PRR33: variants seen among roughly 807,000 people sequenced by gnomAD.
PRR33 encodes proline-rich protein 33.
PRR33 carries 1 observed loss-of-function variant against 0.5 expected under a neutral mutation model. The observed-to-expected ratio is 2.18, with a 90% CI of 0.77 to 10.34. PRR33 has a LOEUF of 10.34. Among genes scored for constraint, PRR33 ranks in the 30% most tolerant of loss-of-function variants. The pLI, the probability that PRR33 is intolerant of heterozygous loss-of-function variation, is 0.13. For synonymous variants in PRR33, 226 were observed against 110.0 expected (o/e 2.06, Z -6.60); for missense variants, 552 against 251.8 (o/e 2.19, Z -8.07).
At chr11:1,890,393 G>A (rs1444814097) in exon 1 of PRR33, 2 of 717,026 alleles carry the variant, frequency 2.8e-6, no homozygotes, top group Admixed American at 4.0e-5. Context: ...GGGACAGGGA[G>A]GTGCGGAAGG....
chr11:1,895,088 A>C (rs573623163), upstream of PRR33, among the ~76,000 whole-genome samples: 224 of 152,282 alleles, frequency 1.5e-3, 1 homozygote, highest in Admixed American at 6.7e-3. Context: ...CCGTTGCTGT[A>C]AAATTGGGTT....
At chr11:1,901,439 G>A in the PRR33 span, among the ~76,000 whole-genome samples, 1 of 152,134 alleles carries the variant, frequency 6.6e-6, no homozygotes, top group African/African-American at 2.4e-5. Flanking sequence ...CATACAGAGA[G>A]ACATATAGTC....
exon 1 of PRR33, chr11:1,890,702 A>C: frequency 1.6e-6 from 1 of 612,038 alleles, no homozygotes; most frequent in Non-Finnish European, 2.9e-6. Flanking sequence ...TGGAGGCCTG[A>C]GTATTCTGCT....
chr11:1,917,529 C>T, the PRR33 span, among the ~76,000 whole-genome samples: 1 of 152,216 alleles, frequency 6.6e-6, no homozygotes, highest in Non-Finnish European at 1.5e-5. Flanking sequence ...GGCTGGGCCT[C>T]CCTTGTGCCC....
chr11:1,889,367 G>A (rs756042076), exon 1 of PRR33: 245 of 709,742 alleles, frequency 3.5e-4, no homozygotes, highest in Non-Finnish European at 5.7e-4. Context: ...CTGACATGCG[G>A]TACAGCACGG....
At chr11:1,891,645 T>A (rs1239695631) in exon 1 of PRR33, 1 of 153,856 alleles carries the variant, frequency 6.5e-6, no homozygotes, top group Non-Finnish European at 1.4e-5. Flanking sequence ...AGTGGGGGTG[T>A]GGGCAGGGCA....
chr11:1,917,334 G>A, the PRR33 span, among the ~76,000 whole-genome samples: 6 of 152,180 alleles, frequency 3.9e-5, no homozygotes, highest in Admixed American at 3.9e-4. Flanking sequence ...GGCCACCCAG[G>A]CAGGGAGCTG....
At chr11:1,901,349 T>C in the PRR33 span, among the ~76,000 whole-genome samples, 1 of 150,400 alleles carries the variant, frequency 6.6e-6, no homozygotes, top group Non-Finnish European at 1.5e-5. Context: ...TCAATTAAGT[T>C]AGATGTCTCT....
exon 1 of PRR33, chr11:1,890,509 G>A (rs1030352710): frequency 1.4e-6 from 1 of 716,710 alleles, no homozygotes; most frequent in Non-Finnish European, 2.6e-6. Context: ...GGCAGCAGGG[G>A]CGGTGGGGGT....
At chr11:1,895,379 T>C (rs888975049), upstream of PRR33, among the ~76,000 whole-genome samples, 8 of 152,172 alleles carry the variant, frequency 5.3e-5, no homozygotes, top group African/African-American at 1.2e-4. Flanking sequence ...GTGATCCGCC[T>C]GCCTTAGCCT....
At chr11:1,906,983 G>A in the PRR33 span, among the ~76,000 whole-genome samples, 2 of 152,180 alleles carry the variant, frequency 1.3e-5, no homozygotes, top group South Asian at 2.1e-4. Context: ...CCCGCTTCCC[G>A]CACTGAGGCC....
the PRR33 span, among the ~76,000 whole-genome samples, chr11:1,904,798 T>C: frequency 4.6e-5 from 7 of 151,050 alleles, no homozygotes; most frequent in Non-Finnish European, 8.9e-5. Context: ...CGAGAGCCAC[T>C]GCGCCCAGCC....
At chr11:1,916,199 C>T in the PRR33 span, among the ~76,000 whole-genome samples, 1 of 152,088 alleles carries the variant, frequency 6.6e-6, no homozygotes, top group Non-Finnish European at 1.5e-5. Flanking sequence ...TTGCACTGGG[C>T]CCTGACACTC....
At chr11:1,901,581 C>T in the PRR33 span, among the ~76,000 whole-genome samples, 24 of 152,138 alleles carry the variant, frequency 1.6e-4, no homozygotes, top group African/African-American at 4.3e-4. Context: ...CCTAAGCAAT[C>T]GTTAGCTAGG....
At chr11:1,895,200 T>C (rs1447763233), upstream of PRR33, among the ~76,000 whole-genome samples, 3 of 152,146 alleles carry the variant, frequency 2.0e-5, no homozygotes, top group African/African-American at 7.2e-5. Context: ...TGGCGCCATC[T>C]TGGCCCACTG....
the PRR33 span, among the ~76,000 whole-genome samples, chr11:1,903,539 A>C: frequency 2.0e-5 from 3 of 152,202 alleles, no homozygotes; most frequent in East Asian, 1.9e-4. Context: ...ATCCCTGATG[A>C]GGCTAATTAG....
the PRR33 span, among the ~76,000 whole-genome samples, chr11:1,915,247 CTATG>C: frequency 7.3e-6 from 1 of 137,840 alleles, no homozygotes; most frequent in Non-Finnish European, 1.5e-5. Flanking sequence ...GATGATATTG[CTATG>C]TGTGTGTGTT....
At chr11:1,890,251 G>T (rs1049837096) in exon 1 of PRR33, 2 of 715,734 alleles carry the variant, frequency 2.8e-6, no homozygotes, top group Non-Finnish European at 5.2e-6. Flanking sequence ...GGGGAGCGGG[G>T]TAGGGCAGCC....
the PRR33 span, among the ~76,000 whole-genome samples, chr11:1,913,441 C>A: frequency 6.6e-6 from 1 of 152,168 alleles, no homozygotes; most frequent in Non-Finnish European, 1.5e-5. Flanking sequence ...CCACCGCGCC[C>A]GGCCCCCGCT....
Sources: allele counts gnomAD v4.1 joint callset (sites outside exome capture counted in the v4.1 genomes callset), GRCh38; gene constraint gnomAD v4.1.1; transcripts MANE v1.5; gene names NCBI Gene and HGNC (gene_info 2026-07-23, HGNC 2026-07-21).